The following CATSPERG variants were observed in gnomAD, a reference collection of about 807,000 sequenced individuals.
CATSPERG encodes the protein cation channel sperm-associated auxiliary subunit gamma.
A neutral mutation model predicts 145.0 loss-of-function variants in CATSPERG; 115 were observed. The ratio of observed to expected loss-of-function variants is 0.79; its 90% CI spans 0.68 to 0.93. CATSPERG has a LOEUF of 0.93. Ranked by LOEUF, CATSPERG falls within the 40% of genes least tolerant of loss-of-function variation. CATSPERG has a pLI of 0.00. For missense variants in CATSPERG, 1,296 were observed against 1,490.1 expected (o/e 0.87, Z 2.14); for synonymous variants, 588 against 589.0 (o/e 1.00, Z 0.02).
In CATSPERG at chr19:38,358,322, C is replaced by T. The variant is rs1190738398; in HGVS notation, c.1360C>T (p.Pro454Ser). The change falls in exon 12 of 29, where the codon CCT (proline) becomes TCT (serine). Residue 454 changes from proline (P) to serine (S), a missense_variant. Pro to Ser is a moderately conservative substitution (Grantham distance 74). Transcript: ENST00000409235. Reference sequence around the variant, plus strand: ...TCTCTACCACATCCCAGAATTCATCCCTGAAGGTAGGAAGGGAAGGCAGAC... The same window carrying T: ...TCTCTACCACATCCCAGAATTCATCTCTGAAGGTAGGAAGGGAAGGCAGAC... ...ELLYHIPEFI[P>S]EARGLEFLMI... is the part of the protein sequence containing the mutation. The T allele has an allele frequency of 1.9e-6, 3 of 1,614,144 alleles. No individual in the cohort carries two copies. The highest frequency in any genetic ancestry group is 2.5e-6 in the Non-Finnish European group (3 of 1,180,020).
chr19:38,350,260 A>G (rs1204290462), intron 7 of CATSPERG, among the ~76,000 whole-genome samples: 1 of 152,232 alleles, frequency 6.6e-6, no homozygotes, highest in East Asian at 1.9e-4. Context: ...GAGCTTTACT[A>G]GCCATCTCCT....
At chr19:38,362,870 T>TG in intron 20 of CATSPERG, 38 bp downstream of exon 20, 1 of 1,029,378 alleles carries the variant, frequency 9.7e-7, no homozygotes, top group Non-Finnish European at 1.4e-6. Context: ...AGGGAGGTTT[T>TG]GTTTTTTTTT....
intron 3 of CATSPERG, among the ~76,000 whole-genome samples, chr19:38,342,201 C>A (rs914746612): frequency 6.9e-6 from 1 of 145,258 alleles, no homozygotes; most frequent in Non-Finnish European, 1.5e-5. Flanking sequence ...CATAGCAAGA[C>A]CCTGTCCCAT....
Position 38,343,640 on chromosome 19 carries a change from A to C in CATSPERG, c.385A>C (p.Thr129Pro), listed in dbSNP as rs1600446979. The C allele has an allele frequency of 6.4e-7, 1 of 1,551,484 alleles. No individual in the cohort carries two copies. Among genetic ancestry groups the C allele is most frequent in the Non-Finnish European group, 8.7e-7 (1 of 1,146,938 alleles). Residue 129 changes from threonine (T) to proline (P), a missense_variant, in exon 4 of 29, where the codon ACC becomes CCC. Thr to Pro is a conservative substitution (Grantham distance 38, BLOSUM62 -1). Transcript: ENST00000409235. ...LTGLKPLVLVTFQSPVNFYRW... is the reference protein window; with the variant it reads ...LTGLKPLVLVPFQSPVNFYRW... ...GGGGCTAAAGCCCCTGGTGCTGGTC[A>C]CCTTCCAGTCCCCAGTCAACTTCTA...
At chr19:38,346,035 G>A (rs932264530) in intron 6 of CATSPERG, among the ~76,000 whole-genome samples, 8 of 152,168 alleles carry the variant, frequency 5.3e-5, no homozygotes, top group South Asian at 2.1e-4. Flanking sequence ...GGTAAAGGGC[G>A]GTAAGCGCTC....
chr19:38,367,527 TGATTC>T lies in CATSPERG; in HGVS notation c.2790_2794del (p.Ile931ArgfsTer33). 6.2e-7 allele frequency: 1 copy of T among 1,614,094 alleles called. No individual in the cohort carries two copies. The highest frequency in any genetic ancestry group is 8.5e-7 in the Non-Finnish European group (1 of 1,180,000). On this transcript the variant is annotated frameshift_variant, in exon 24 of 29. Coordinates refer to ENST00000409235, the MANE Select transcript of CATSPERG (RefSeq NM_021185.5). LOFTEE classifies it high-confidence loss of function. Reference sequence around the variant, plus strand: ...CCCATAGTTTTCTACCCCTTCTTCTTGATTCAAGATTTGGTGACAGGAGACTCCGG... The same window carrying T: ...CCCATAGTTTTCTACCCCTTCTTCTTAAGATTTGGTGACAGGAGACTCCGG...
chr19:38,346,960 C>T (rs1252608083), intron 7 of CATSPERG, among the ~76,000 whole-genome samples: 1 of 152,136 alleles, frequency 6.6e-6, no homozygotes. Flanking sequence ...CCTATAATCC[C>T]AGCACTTTGG....
chr19:38,350,174 T>C (rs974343807), intron 7 of CATSPERG, among the ~76,000 whole-genome samples: 2 of 152,126 alleles, frequency 1.3e-5, no homozygotes, highest in African/African-American at 4.8e-5. Flanking sequence ...CCTGGCTACA[T>C]CCAACTGCAA....
intron 11 of CATSPERG, among the ~76,000 whole-genome samples, chr19:38,357,679 C>T (rs1227040856): frequency 6.6e-6 from 1 of 151,196 alleles, no homozygotes; most frequent in South Asian, 2.1e-4. Flanking sequence ...TGGCCGGGCA[C>T]GGCGGCTCAC....
At chr19:38,362,159 G>A (rs758729373) in intron 17 of CATSPERG, 51 bp from the exon 18 acceptor site, 2 of 1,546,488 alleles carry the variant, frequency 1.3e-6, no homozygotes, top group South Asian at 1.2e-5. Context: ...CTTGCCTGGA[G>A]GCTCTCGCCC....
At chr19:38,361,198 G>T (rs963899003) in intron 16 of CATSPERG, among the ~76,000 whole-genome samples, 2 of 152,010 alleles carry the variant, frequency 1.3e-5, no homozygotes, top group Non-Finnish European at 2.9e-5. Flanking sequence ...AGAAACTTGG[G>T]CTTCATCTTG....
intron 3 of CATSPERG, among the ~76,000 whole-genome samples, chr19:38,339,261 G>A (rs1969896851): frequency 6.7e-6 from 1 of 148,512 alleles, no homozygotes; most frequent in South Asian, 2.2e-4. Flanking sequence ...GGGAGCGCAA[G>A]GAGCAAGCAA....
At chr19:38,360,942 TGAAAA>T in intron 16 of CATSPERG, 99 bp downstream of exon 16, 2 of 1,012,660 alleles carry the variant, frequency 2.0e-6, no homozygotes, top group Non-Finnish European at 3.0e-6. Flanking sequence ...CTAACCCCAG[TGAAAA>T]CCTCAGGGCT....
intron 13 of CATSPERG, among the ~76,000 whole-genome samples, chr19:38,359,208 G>A (rs570057230): frequency 2.6e-5 from 4 of 152,064 alleles, no homozygotes; most frequent in African/African-American, 4.8e-5. Flanking sequence ...CCACCCTCTC[G>A]ACCCTCAGGA....
At chr19:38,353,547 AT>A (rs1286086475) in intron 8 of CATSPERG, among the ~76,000 whole-genome samples, 2 of 149,448 alleles carry the variant, frequency 1.3e-5, no homozygotes, top group African/African-American at 5.0e-5. Flanking sequence ...AATTAGCAAA[AT>A]TAGCTGGGCG....
chr19:38,340,586 C>T (rs1012357228), intron 3 of CATSPERG, among the ~76,000 whole-genome samples: 12 of 151,928 alleles, frequency 7.9e-5, no homozygotes, highest in African/African-American at 2.9e-4. Context: ...TCCCAAAGTG[C>T]TGGGATTATA....
intron 16 of CATSPERG, 36 bp from the exon 17 acceptor site, chr19:38,361,612 T>G: frequency 6.4e-7 from 1 of 1,562,376 alleles, no homozygotes; most frequent in Non-Finnish European, 8.7e-7. Flanking sequence ...CGGGGTGCCT[T>G]AGAGCCAGCA....
At chr19:38,335,950 G>C (rs1167186510) in intron 1 of CATSPERG, 75 bp downstream of exon 1, 14 of 287,864 alleles carry the variant, frequency 4.9e-5, no homozygotes, top group Non-Finnish European at 7.7e-5. Flanking sequence ...AACTAGGAAG[G>C]GGAGGGGAAG....
chr19:38,365,036 C>T (rs201477528), intron 21 of CATSPERG, 25 bp from the exon 22 acceptor site: 169 of 1,613,878 alleles, frequency 1.0e-4, no homozygotes, highest in Admixed American at 1.3e-4. Context: ...CGGGGATCAC[C>T]ATCTTCACCT....
Sources: gnomAD v4.1 joint callset for allele counts (sites outside exome capture counted in the v4.1 genomes callset) on GRCh38, gnomAD v4.1.1 for gene constraint, MANE v1.5 for transcripts, NCBI Gene and HGNC (gene_info 2026-07-23, HGNC 2026-07-21) for gene names.